CNBD1: variants seen among roughly 807,000 people sequenced by gnomAD.
The protein encoded by CNBD1 is cyclic nucleotide-binding domain-containing protein 1.
A neutral mutation model predicts 54.4 loss-of-function variants in CNBD1; 71 were observed. The observed-to-expected ratio is 1.30, with a 90% CI of 1.08 to 1.59. The LOEUF (loss-of-function observed/expected upper bound fraction) is 1.59. CNBD1 is among the 40% of genes most tolerant of loss of function. The pLI, the probability that CNBD1 is intolerant of heterozygous loss-of-function variation, is 0.00. For missense variants in CNBD1, 659 were observed against 518.0 expected, an observed-to-expected ratio of 1.27 and a Z score of -2.64; for synonymous variants, 182 against 170.7, an observed-to-expected ratio of 1.07 and a Z score of -0.51.
intron 2 of CNBD1, among the ~76,000 whole-genome samples, chr8:87,423,012 A>G (rs1480745917): frequency 6.6e-6 from 1 of 151,736 alleles, no homozygotes; most frequent in Non-Finnish European, 1.5e-5. Context: ...TTGGATTCCT[A>G]GGTATTTTAT....
chr8:87,187,470 CT>C lies in CNBD1; in HGVS notation c.432-18510del, dbSNP rs5893014. Among the ~76,000 whole-genome samples, 240 of 141,778 alleles carry C rather than the reference CT, an allele frequency of 1.7e-3. 1 individual carries two copies. The highest frequency in any genetic ancestry group is 9.1e-3 in the South Asian group (41 of 4,512). The allele number at this position is 141,778 out of a possible 152,430, so 93.0% of individuals were successfully genotyped here. A position where few individuals can be genotyped will look rare whatever the true frequency, so the allele number is the denominator to read the frequency against. ...AATAATATATTTCATATATCCTTCTCTTTTTTTTTTTTTGGCTAGCATTTTG... is the reference window on the plus strand; with the variant it reads ...AATAATATATTTCATATATCCTTCTCTTTTTTTTTTTTGGCTAGCATTTTG... On this transcript the variant is annotated intron_variant, in intron 4 of 10. Transcript: ENST00000518476.
At chr8:87,276,166 A>T (rs1230518753) in intron 6 of CNBD1, among the ~76,000 whole-genome samples, 1 of 151,868 alleles carries the variant, frequency 6.6e-6, no homozygotes, top group African/African-American at 2.4e-5. Flanking sequence ...TAATACATTG[A>T]TATTAGTTGG....
intron 5 of CNBD1, among the ~76,000 whole-genome samples, chr8:87,212,196 A>G (rs1442742924): frequency 2.0e-5 from 3 of 152,210 alleles, no homozygotes; most frequent in Admixed American, 6.5e-5. Context: ...ATTGAAAACT[A>G]TAAAACATTG....
chr8:86,936,069 G>A (rs1448050688), intron 3 of CNBD1, among the ~76,000 whole-genome samples: 1 of 152,108 alleles, frequency 6.6e-6, no homozygotes, highest in South Asian at 2.1e-4. Flanking sequence ...GAGCTGGGAG[G>A]CAGAGGTTGC....
chr8:87,082,038 A>AT (rs1811005458), intron 4 of CNBD1, among the ~76,000 whole-genome samples: 1 of 152,158 alleles, frequency 6.6e-6, no homozygotes, highest in East Asian at 1.9e-4. Context: ...TGGTGAATTG[A>AT]TTGTCAGGCC....
At chr8:87,388,215 C>T (rs1470080606) in intron 2 of CNBD1, among the ~76,000 whole-genome samples, 3 of 152,042 alleles carry the variant, frequency 2.0e-5, no homozygotes. Flanking sequence ...AGAGAAAACA[C>T]ATTCAAAAGG....
intron 8 of CNBD1, among the ~76,000 whole-genome samples, chr8:87,295,781 A>G (rs996044679): frequency 6.6e-6 from 1 of 152,216 alleles, no homozygotes; most frequent in African/African-American, 2.4e-5. Flanking sequence ...ATAAAATTGC[A>G]TAATTTCATT....
chr8:87,093,963 A>C (rs2130683786), intron 4 of CNBD1, among the ~76,000 whole-genome samples: 1 of 152,316 alleles, frequency 6.6e-6, no homozygotes, highest in Admixed American at 6.5e-5. Flanking sequence ...CACAATAGGC[A>C]TGCAGTAACT....
chr8:87,019,896 C>T (rs1336549548), intron 4 of CNBD1, among the ~76,000 whole-genome samples: 2 of 151,974 alleles, frequency 1.3e-5, no homozygotes, highest in African/African-American at 4.8e-5. Context: ...GAAAAGATTA[C>T]ATTTATTAAA....
intron 4 of CNBD1, among the ~76,000 whole-genome samples, chr8:86,949,457 T>C (rs1807550415): frequency 1.3e-5 from 2 of 152,172 alleles, no homozygotes; most frequent in Admixed American, 1.3e-4. Context: ...TTTATAGATA[T>C]ATTTCACATA....
chr8:87,403,758 C>A (rs4460391), intron 2 of CNBD1, among the ~76,000 whole-genome samples: 2,762 of 151,884 alleles, frequency 0.018, 83 homozygotes, highest in African/African-American at 0.06. Flanking sequence ...AATCAGTAAA[C>A]AACTTGACCA....
At position 87,101,542 on chromosome 8, in the gene CNBD1, G is replaced by A. The variant is rs146460402; in HGVS notation, c.432-104451G>A. Reference sequence around the variant, plus strand: ...CTAAAAGGGAGAAATAGACAAAACCGTAATTGGAGACTTTACACATTTCTC... The same window carrying A: ...CTAAAAGGGAGAAATAGACAAAACCATAATTGGAGACTTTACACATTTCTC... On this transcript the variant is annotated intron_variant, in intron 4 of 10. Transcript: ENST00000518476. 2.7e-3 allele frequency among the ~76,000 whole-genome samples: 403 copies of A among 152,028 alleles called. 3 individuals are homozygous for A. The highest frequency in any genetic ancestry group is 9.0e-3 in the African/African-American group (375 of 41,480).
chr8:87,380,514 C>T (rs1811052309), intron 10 of CNBD1, among the ~76,000 whole-genome samples: 1 of 151,620 alleles, frequency 6.6e-6, no homozygotes, highest in South Asian at 2.1e-4. Flanking sequence ...TTTTATGGTT[C>T]CATATGAAAT....
chr8:87,374,365 G>T (rs970929021), intron 10 of CNBD1, among the ~76,000 whole-genome samples: 5 of 151,764 alleles, frequency 3.3e-5, no homozygotes, highest in African/African-American at 1.2e-4. Context: ...TAAGAAATTT[G>T]ATAAAATTTA....
intron 4 of CNBD1, among the ~76,000 whole-genome samples, chr8:87,014,000 T>C (rs1361098359): frequency 6.6e-6 from 1 of 152,004 alleles, no homozygotes; most frequent in African/African-American, 2.4e-5. Flanking sequence ...ACAAAAGTCT[T>C]TTCTAAATCT....
In CNBD1 at chr8:86,886,095, A is replaced by G. The variant is rs137963861; in HGVS notation, c.89-1447A>G. 7.9e-3 allele frequency among the ~76,000 whole-genome samples: 1,197 copies of G among 152,210 alleles called. 14 individuals are homozygous for G. Among genetic ancestry groups the G allele is most frequent in the African/African-American group, 0.027 (1,108 of 41,536 alleles). Reference sequence around the variant, plus strand: ...TGACCTTTTTCCAAATCTCTGTGGCACCATCTCCCTTTCCTGTCCCTATCA... The same window carrying G: ...TGACCTTTTTCCAAATCTCTGTGGCGCCATCTCCCTTTCCTGTCCCTATCA... On this transcript the variant is annotated intron_variant, in intron 1 of 10. Coordinates refer to ENST00000518476, the MANE Select transcript of CNBD1 (RefSeq NM_173538.3).
chr8:87,328,721 T>C (rs1011814482), intron 8 of CNBD1, among the ~76,000 whole-genome samples: 8 of 152,156 alleles, frequency 5.3e-5, no homozygotes, highest in Non-Finnish European at 1.2e-4. Flanking sequence ...CAAGACTAAG[T>C]CTTCTACTTC....
chr8:87,402,669 G>A (rs148239640), intron 2 of CNBD1, among the ~76,000 whole-genome samples: 222 of 152,146 alleles, frequency 1.5e-3, no homozygotes, highest in African/African-American at 4.9e-3. Flanking sequence ...GCTGGCCAGG[G>A]CCAAATCTCA....
At chr8:86,927,687 A>G (rs1254715792) in intron 3 of CNBD1, among the ~76,000 whole-genome samples, 1 of 152,172 alleles carries the variant, frequency 6.6e-6, no homozygotes, top group Non-Finnish European at 1.5e-5. Flanking sequence ...TATGGTTAGT[A>G]TACTGCTTAA....
Sources: allele counts gnomAD v4.1 joint callset (sites outside exome capture counted in the v4.1 genomes callset), GRCh38; gene constraint gnomAD v4.1.1; transcripts MANE v1.5; gene names NCBI Gene and HGNC (gene_info 2026-07-23, HGNC 2026-07-21).